The following FBXL17 variants were observed in gnomAD, a reference collection of about 807,000 sequenced individuals.
FBXL17 encodes the protein F-box/LRR-repeat protein 17.
A neutral mutation model predicts 66.2 loss-of-function variants in FBXL17; 22 were observed. The observed-to-expected ratio is 0.33, with a 90% CI of 0.24 to 0.47. FBXL17 has a LOEUF of 0.47. FBXL17 is among the 20% of genes least tolerant of loss of function. The probability of loss-of-function intolerance (pLI) is 1.00; values close to 1 mark genes in which losing one functional copy is unlikely to be tolerated. For missense variants in FBXL17, 878 were observed against 948.2 expected, an observed-to-expected ratio of 0.93 and a Z score of 0.97; for synonymous variants, 474 against 400.5, an observed-to-expected ratio of 1.18 and a Z score of -2.19.
chr5:108,381,969 G>A lies in FBXL17; in HGVS notation c.-278C>T. The A allele has an allele frequency of 8.2e-7, 1 of 1,223,646 alleles. No individual in the cohort carries two copies. Among genetic ancestry groups the A allele is most frequent in the Non-Finnish European group, 1.0e-6 (1 of 979,892 alleles). 75.8% of individuals were successfully genotyped at this position (1,223,646 alleles called of 1,614,324 possible). ...CGCGAGGGAGGGAGCGAGCGAGCCT[G>A]CCGGCTAGGCGACCAGTCCGGGCCC... On this transcript the variant is annotated 5_prime_UTR_variant, in exon 1 of 9. Coordinates refer to ENST00000542267, the MANE Select transcript of FBXL17 (RefSeq NM_001163315.3).
chr5:108,174,915 T>C (rs1752737180), intron 6 of FBXL17, among the ~76,000 whole-genome samples: 1 of 152,182 alleles, frequency 6.6e-6, no homozygotes, highest in Admixed American at 6.5e-5. Flanking sequence ...ATTGGAATTC[T>C]ATTCCTTGTT....
At chr5:108,046,606 T>A (rs1014618847) in intron 6 of FBXL17, among the ~76,000 whole-genome samples, 1 of 152,152 alleles carries the variant, frequency 6.6e-6, no homozygotes, top group African/African-American at 2.4e-5. Context: ...TTTATATAAC[T>A]TTCTAAATGG....
intron 7 of FBXL17, among the ~76,000 whole-genome samples, chr5:107,896,986 C>T (rs956252329): frequency 2.6e-5 from 4 of 151,872 alleles, no homozygotes; most frequent in Middle Eastern, 3.4e-3. Flanking sequence ...GAAGTCATTA[C>T]AGTAAATGAC....
At chr5:108,008,245 G>C (rs1458125489) in intron 7 of FBXL17, among the ~76,000 whole-genome samples, 2 of 152,166 alleles carry the variant, frequency 1.3e-5, no homozygotes, top group Admixed American at 6.5e-5. Context: ...GGGTCCAAGA[G>C]AGTGAAAAGA....
chr5:108,297,307 A>C (rs951033588), intron 4 of FBXL17, among the ~76,000 whole-genome samples: 10 of 151,756 alleles, frequency 6.6e-5, no homozygotes, highest in African/African-American at 2.4e-4. Context: ...TGAGAAGTAC[A>C]GTCTTTAGAC....
chr5:107,916,157 G>C, intron 7 of FBXL17, among the ~76,000 whole-genome samples: 1 of 152,154 alleles, frequency 6.6e-6, no homozygotes, highest in Non-Finnish European at 1.5e-5. Flanking sequence ...CAGATCCCCA[G>C]TGTTATGTCC....
chr5:108,354,195 C>A (rs995384479), intron 3 of FBXL17, among the ~76,000 whole-genome samples: 2 of 151,988 alleles, frequency 1.3e-5, no homozygotes, highest in African/African-American at 4.8e-5. Context: ...GGCATACCAA[C>A]AAGGAAAAGA....
At chr5:108,094,874 C>CAAA (rs35283339) in intron 6 of FBXL17, among the ~76,000 whole-genome samples, 260 of 135,082 alleles carry the variant, frequency 1.9e-3, no homozygotes, top group African/African-American at 6.7e-3. Context: ...AACAAGGATG[C>CAAA]AAAAAAAAAA....
intron 3 of FBXL17, among the ~76,000 whole-genome samples, 160 bp from the exon 4 acceptor site, chr5:108,348,690 A>T (rs538359708): frequency 6.6e-6 from 1 of 152,246 alleles, no homozygotes; most frequent in East Asian, 1.9e-4. Context: ...AACTTAAAAC[A>T]GTACTGTATA....
At chr5:107,923,738 G>C (rs1352565513) in intron 7 of FBXL17, among the ~76,000 whole-genome samples, 1 of 152,128 alleles carries the variant, frequency 6.6e-6, no homozygotes, top group Admixed American at 6.6e-5. Context: ...CAAGGGCACA[G>C]GATTCTTAAC....
chr5:107,900,688 T>G (rs1371201244), intron 7 of FBXL17, among the ~76,000 whole-genome samples: 1 of 152,126 alleles, frequency 6.6e-6, no homozygotes, highest in Admixed American at 6.5e-5. Flanking sequence ...AGACAACAAG[T>G]AATGAAAGAT....
intron 6 of FBXL17, among the ~76,000 whole-genome samples, chr5:108,179,894 G>C (rs1363231): frequency 0.087 from 13,261 of 152,112 alleles, 732 homozygotes; most frequent in South Asian, 0.17. Flanking sequence ...AAAATTCTCT[G>C]CATCTCAATT....
chr5:107,865,986 TA>T (rs1748260013), intron 8 of FBXL17, among the ~76,000 whole-genome samples: 1 of 152,194 alleles, frequency 6.6e-6, no homozygotes, highest in Admixed American at 6.5e-5. Flanking sequence ...TTCCTGCAGA[TA>T]TTTTGTCATG....
At chr5:108,006,651 A>G (rs777359669) in intron 7 of FBXL17, among the ~76,000 whole-genome samples, 3 of 152,236 alleles carry the variant, frequency 2.0e-5, no homozygotes, top group Non-Finnish European at 4.4e-5. Flanking sequence ...CAGTTTTATA[A>G]TCAGTATTAC....
chr5:108,154,780 A>T (rs1751932226), intron 6 of FBXL17, among the ~76,000 whole-genome samples: 1 of 150,440 alleles, frequency 6.6e-6, no homozygotes, highest in Admixed American at 6.6e-5. Flanking sequence ...GAAAAGAGGA[A>T]CCATGAAGGA....
At chr5:108,104,326 C>T (rs1481726592) in intron 6 of FBXL17, among the ~76,000 whole-genome samples, 3 of 152,298 alleles carry the variant, frequency 2.0e-5, no homozygotes, top group Admixed American at 6.5e-5. Context: ...CATGAGCCAC[C>T]GTGCCCAGCC....
intron 7 of FBXL17, among the ~76,000 whole-genome samples, chr5:107,907,896 AG>A (rs1749818169): frequency 6.6e-6 from 1 of 152,176 alleles, no homozygotes; most frequent in African/African-American, 2.4e-5. Context: ...GTGATTCCTC[AG>A]GGATCTAGAA....
chr5:108,094,332 A>G (rs564700776), intron 6 of FBXL17, among the ~76,000 whole-genome samples: 26 of 152,304 alleles, frequency 1.7e-4, no homozygotes, highest in South Asian at 4.1e-4. Context: ...TGTATACCTT[A>G]TATCCAGAAA....
chr5:108,349,324 A>T (rs1747494294), intron 3 of FBXL17, among the ~76,000 whole-genome samples: 1 of 152,206 alleles, frequency 6.6e-6, no homozygotes, highest in Non-Finnish European at 1.5e-5. Context: ...TGAAATACAT[A>T]CCAAGGTGTT....
Sources: gnomAD v4.1 joint callset for allele counts (sites outside exome capture counted in the v4.1 genomes callset) on GRCh38, gnomAD v4.1.1 for gene constraint, MANE v1.5 for transcripts, NCBI Gene and HGNC (gene_info 2026-07-23, HGNC 2026-07-21) for gene names.